PHLPP1: variants seen among roughly 807,000 people sequenced by gnomAD.
The protein encoded by PHLPP1 is PH domain and leucine rich repeat protein phosphatase 1.
PHLPP1 carries 42 observed loss-of-function variants against 117.2 expected under a neutral mutation model. The observed-to-expected ratio is 0.36, with a 90% CI of 0.28 to 0.46. The LOEUF (loss-of-function observed/expected upper bound fraction) is 0.46. Among genes scored for constraint, PHLPP1 ranks in the 20% least tolerant of loss-of-function variants. The pLI is 1.00. For synonymous variants in PHLPP1, 1,042 were observed against 970.7 expected, an observed-to-expected ratio of 1.07 and a Z score of -1.37; for missense variants, 2,084 against 2,241.9, an observed-to-expected ratio of 0.93 and a Z score of 1.42.
At chr18:62,724,807 G>A (rs1911021186) in intron 1 of PHLPP1, among the ~76,000 whole-genome samples, 1 of 152,128 alleles carries the variant, frequency 6.6e-6, no homozygotes, top group South Asian at 2.1e-4. Context: ...AACTTCTGAT[G>A]GAACAGGTGG....
chr18:62,773,896 G>A (rs990211361), intron 1 of PHLPP1, among the ~76,000 whole-genome samples: 1 of 152,214 alleles, frequency 6.6e-6, no homozygotes, highest in Non-Finnish European at 1.5e-5. Flanking sequence ...GCTTATAGTT[G>A]GCCATCTTCT....
At chr18:62,800,406 G>GT (rs1913744643) in intron 1 of PHLPP1, among the ~76,000 whole-genome samples, 1 of 152,166 alleles carries the variant, frequency 6.6e-6, no homozygotes, top group Non-Finnish European at 1.5e-5. Context: ...ATTATTTTTA[G>GT]TAAGTTCAGT....
chr18:62,737,907 A>C (rs1342249831), intron 1 of PHLPP1, among the ~76,000 whole-genome samples: 2 of 152,030 alleles, frequency 1.3e-5, no homozygotes, highest in Non-Finnish European at 2.9e-5. Context: ...TTATATGTGG[A>C]GGGGGGAAGG....
At position 62,972,621 on chromosome 18, in the gene PHLPP1, G is replaced by A. The variant is rs1911083852; in HGVS notation, c.3668G>A (p.Cys1223Tyr). Residue 1223 changes from cysteine (C) to tyrosine (Y), a missense_variant, in exon 15 of 17, where the codon TGC becomes TAC. Physicochemically the swap from Cys to Tyr is radical, Grantham distance 194 (BLOSUM62 -2). Around this residue, in one of 2 missense-constraint regions of PHLPP1, gnomAD observed 1,365 missense variants for 1,605.9 expected, o/e 0.85. Coordinates refer to ENST00000262719, the MANE Select transcript of PHLPP1 (RefSeq NM_194449.4). ...RNVEVPYLLQ[C>Y]TMSDILAEEL... is the part of the protein sequence containing the mutation. The stretch of plus-strand genomic sequence containing the variant: ...GTGGAGGTGCCCTACCTTCTCCAGT[G>A]CACTATGAGTGACATTTTGGCTGAA... The A allele has an allele frequency of 6.2e-7, 1 of 1,613,784 alleles. No homozygotes were observed. Among genetic ancestry groups the A allele is most frequent in the Admixed American group, 1.7e-5 (1 of 60,004 alleles).
At chr18:62,957,952 C>T (rs1371005106) in intron 12 of PHLPP1, among the ~76,000 whole-genome samples, 3 of 152,180 alleles carry the variant, frequency 2.0e-5, no homozygotes, top group African/African-American at 7.2e-5. Flanking sequence ...AGGTGATACG[C>T]CTGCCTCTGC....
At chr18:62,771,504 G>A (rs2144266938) in intron 1 of PHLPP1, among the ~76,000 whole-genome samples, 1 of 152,270 alleles carries the variant, frequency 6.6e-6, no homozygotes. Flanking sequence ...ACAATGGCAG[G>A]TTTTTAGTCT....
chr18:62,825,038 T>TC lies in PHLPP1; in HGVS notation c.1577-4994dup, dbSNP rs1914571934. 2.0e-5 allele frequency among the ~76,000 whole-genome samples: 3 copies of TC among 151,946 alleles called. No homozygotes were observed. In the South Asian group the frequency reaches 6.2e-4, roughly 32 times the overall value. On this transcript the variant is annotated intron_variant, in intron 1 of 16. Coordinates refer to ENST00000262719, the MANE Select transcript of PHLPP1 (RefSeq NM_194449.4). The stretch of plus-strand genomic sequence containing the variant: ...GCCTCCCGGGTTCAAGTGATTGTCC[T>TC]CCCTCAGTCTCCCGGGTTCAAGTGA...
intron 4 of PHLPP1, among the ~76,000 whole-genome samples, chr18:62,879,060 C>T (rs1916111341): frequency 6.6e-6 from 1 of 152,142 alleles, no homozygotes; most frequent in South Asian, 2.1e-4. Context: ...TCATGAAATG[C>T]CTACATCAGA....
At chr18:62,845,609 T>C (rs1213489237) in intron 3 of PHLPP1, among the ~76,000 whole-genome samples, 1 of 152,210 alleles carries the variant, frequency 6.6e-6, no homozygotes, top group Non-Finnish European at 1.5e-5. Context: ...TCGATTTGTG[T>C]TATTAGGTGT....
chr18:62,716,118 C>T lies in PHLPP1; in HGVS notation c.435C>T (p.Ala145=), dbSNP rs1223871397. The change falls in exon 1 of 17, where the codon GCC becomes GCT. Residue 145 remains alanine (A), a synonymous_variant. Coordinates refer to ENST00000262719, the MANE Select transcript of PHLPP1 (RefSeq NM_194449.4). The surrounding 1 kb of genome is among the most constrained non-coding windows in gnomAD (Gnocchi z 5.7). ...CCTCCTCGTCGTCGTCGTCCTCGGC[C>T]GCTGCTGCCTCGCACTCCCCCGGCG... ...AAASSSSSSS[A]AAASHSPGAA... 22 of 1,511,200 alleles carry T rather than the reference C, an allele frequency of 1.5e-5. No individual in the cohort carries two copies. The highest frequency in any genetic ancestry group is 1.6e-5 in the Non-Finnish European group (18 of 1,137,030). 93.6% of individuals were successfully genotyped at this position (1,511,200 alleles called of 1,614,324 possible).
chr18:62,887,605 T>C (rs1488908086), intron 4 of PHLPP1, among the ~76,000 whole-genome samples: 1 of 152,220 alleles, frequency 6.6e-6, no homozygotes, highest in Non-Finnish European at 1.5e-5. Flanking sequence ...CCCTTCAATT[T>C]ATTTTACAGG....
intron 14 of PHLPP1, among the ~76,000 whole-genome samples, chr18:62,972,221 TCTC>T (rs1599148077): frequency 6.6e-6 from 1 of 151,664 alleles, no homozygotes; most frequent in South Asian, 2.1e-4. Context: ...TTCATAATCT[TCTC>T]TTATTTCCCA....
intron 13 of PHLPP1, 144 bp downstream of exon 13, chr18:62,958,903 G>A (rs1910694154): frequency 2.2e-6 from 2 of 909,812 alleles, no homozygotes; most frequent in South Asian, 1.8e-5. Context: ...CAAGATGCAG[G>A]GAAGCAATGA....
intron 1 of PHLPP1, among the ~76,000 whole-genome samples, chr18:62,809,669 T>C (rs910435334): frequency 1.3e-5 from 2 of 151,670 alleles, no homozygotes; most frequent in African/African-American, 4.9e-5. Context: ...GCCACTGCAC[T>C]CCAGCCTGGC....
chr18:62,737,877 TGTTGG>T (rs1911413410), intron 1 of PHLPP1, among the ~76,000 whole-genome samples: 1 of 152,120 alleles, frequency 6.6e-6, no homozygotes, highest in East Asian at 1.9e-4. Context: ...AATGTAGAAT[TGTTGG>T]GTTTTAATGA....
At chr18:62,893,521 A>C (rs1316444919) in intron 4 of PHLPP1, among the ~76,000 whole-genome samples, 1 of 152,228 alleles carries the variant, frequency 6.6e-6, no homozygotes, top group Non-Finnish European at 1.5e-5. Context: ...TCAAGGTAAC[A>C]CTCAACCTGT....
intron 1 of PHLPP1, among the ~76,000 whole-genome samples, chr18:62,815,569 G>A (rs1458178316): frequency 6.6e-6 from 1 of 152,198 alleles, no homozygotes; most frequent in African/African-American, 2.4e-5. Context: ...CTTTTCAAAG[G>A]ATTGTATGAG....
In PHLPP1 at chr18:62,836,677, A is replaced by G. The variant is rs544051892; in HGVS notation, c.1774-2107A>G. ...AGTTTGCATGAGTTTGGATTGATCT[A>G]TTTTTTGAAACTTTGGTAAAAGTTA... On this transcript the variant is annotated intron_variant, in intron 2 of 16. Transcript: ENST00000262719. Among the ~76,000 whole-genome samples the G allele has an allele frequency of 6.1e-4, 92 of 150,122 alleles. 1 individual carries two copies. The highest frequency in any genetic ancestry group is 1.8e-3 in the African/African-American group (75 of 40,772).
At chr18:62,929,653 A>C (rs1018985778) in intron 10 of PHLPP1, among the ~76,000 whole-genome samples, 4 of 152,218 alleles carry the variant, frequency 2.6e-5, no homozygotes, top group African/African-American at 9.6e-5. Flanking sequence ...ACAAACTGTT[A>C]GTAACGCAGC....
Sources: allele counts gnomAD v4.1 joint callset (sites outside exome capture counted in the v4.1 genomes callset), GRCh38; gene constraint gnomAD v4.1.1; regional missense constraint gnomAD v4.1.1; non-coding constraint Gnocchi (gnomAD v3.1); transcripts MANE v1.5; gene names NCBI Gene and HGNC (gene_info 2026-07-23, HGNC 2026-07-21).